The following SLC18A2 variants were observed in gnomAD, a reference collection of about 807,000 sequenced individuals.
The protein encoded by SLC18A2 is solute carrier family 18 member A2.
SLC18A2 carries 33 observed loss-of-function variants against 59.2 expected under a neutral mutation model. That is an observed-to-expected ratio of 0.56 (90% confidence interval 0.42 to 0.75). The LOEUF (loss-of-function observed/expected upper bound fraction) is 0.75, where lower values mean the gene tolerates loss of function less well. Ranked by LOEUF, SLC18A2 falls within the 30% of genes least tolerant of loss-of-function variation. The pLI is 0.00. For missense variants in SLC18A2, 569 were observed against 668.6 expected (o/e 0.85, Z 1.64); for synonymous variants, 228 against 253.5 (o/e 0.90, Z 0.95).
rs181160032 is a variant in SLC18A2, at chr10:117,259,268, A to G, written c.991+1376A>G. The stretch of plus-strand genomic sequence containing the variant: ...CTTTCATTTTCTTAATGTTTTATGT[A>G]GTGTTTATGAATATATCCACCAAAG... On this transcript the variant is annotated intron_variant, in intron 10 of 15. Transcript: ENST00000644641. Among the ~76,000 whole-genome samples, 4 of 152,280 alleles carry G rather than the reference A, an allele frequency of 2.6e-5. No homozygotes were observed. In the East Asian group the frequency reaches 5.8e-4, roughly 22 times the overall value.
intron 9 of SLC18A2, among the ~76,000 whole-genome samples, chr10:117,256,539 G>A (rs901710738): frequency 5.3e-5 from 8 of 152,344 alleles, no homozygotes; most frequent in Non-Finnish European, 7.3e-5. Context: ...TGGGAGAACT[G>A]GGCACCAGTA....
intron 10 of SLC18A2, among the ~76,000 whole-genome samples, chr10:117,261,591 A>G (rs1844295105): frequency 6.6e-6 from 1 of 152,200 alleles, no homozygotes; most frequent in South Asian, 2.1e-4. Flanking sequence ...ACAGGCATCC[A>G]GCCCTGGGGA....
chr10:117,266,013 C>T (rs1355426471), intron 10 of SLC18A2, among the ~76,000 whole-genome samples: 1 of 147,712 alleles, frequency 6.8e-6, no homozygotes, highest in Non-Finnish European at 1.5e-5. Flanking sequence ...TCACTTGAAC[C>T]TGGGAGGCAG....
chr10:117,249,103 G>A (rs1364658600), intron 3 of SLC18A2, among the ~76,000 whole-genome samples: 2 of 152,188 alleles, frequency 1.3e-5, no homozygotes, highest in Non-Finnish European at 2.9e-5. Flanking sequence ...GGTCTGAAGT[G>A]GGCTGTGTAG....
Position 117,255,597 on chromosome 10 carries a change from A to G in SLC18A2, c.835A>G (p.Ser279Gly). 6.2e-7 allele frequency: 1 copy of G among 1,613,876 alleles called. No individual in the cohort carries two copies. The highest frequency in any genetic ancestry group is 1.1e-5 in the South Asian group (1 of 91,068). ...VLQPSRVQPESQKGTPLTTLL... is the reference protein window; with the variant it reads ...VLQPSRVQPEGQKGTPLTTLL... ...CTGACCCGTGTTTTTTTCTTGACAG[A>G]GTCAGAAGGGGACACCCCTAACCAC... Residue 279 changes from serine to glycine, a missense_variant and splice_region_variant, in exon 9 of 16, where the codon AGT becomes GGT. Physicochemically the swap from Ser to Gly is moderately conservative, Grantham distance 56. Coordinates refer to ENST00000644641, the MANE Select transcript of SLC18A2 (RefSeq NM_003054.6).
intron 3 of SLC18A2, among the ~76,000 whole-genome samples, chr10:117,246,941 A>C (rs1844116089): frequency 1.3e-5 from 2 of 152,218 alleles, no homozygotes; most frequent in African/African-American, 4.8e-5. Context: ...GGCGTGAGCC[A>C]CCGCCCTCAG....
At chr10:117,264,445 C>T (rs1844326640) in intron 10 of SLC18A2, among the ~76,000 whole-genome samples, 1 of 152,200 alleles carries the variant, frequency 6.6e-6, no homozygotes, top group African/African-American at 2.4e-5. Context: ...CATTGCACTC[C>T]AGCCTGGGCA....
In SLC18A2 at chr10:117,277,492, G is replaced by T; in HGVS notation, c.*226G>T. 3.4e-6 allele frequency: 1 copy of T among 293,452 alleles called. No homozygotes were observed. The highest frequency in any genetic ancestry group is 6.2e-6 in the Non-Finnish European group (1 of 160,086). The allele number at this position is 293,452 out of a possible 1,614,324, so 18.2% of individuals were successfully genotyped here. A position where few individuals can be genotyped will look rare whatever the true frequency, so the allele number is the denominator to read the frequency against. On this transcript the variant is annotated 3_prime_UTR_variant, in exon 16 of 16. Coordinates refer to ENST00000644641, the MANE Select transcript of SLC18A2 (RefSeq NM_003054.6). ...AAATAGTGTTGAAACTTTATTTTAT[G>T]TATTTAATTTTATTAAATATCATAC...
Position 117,241,731 on chromosome 10 carries a change from AG to A in SLC18A2, c.40del (p.Glu14ArgfsTer83). The part of the protein sequence containing the change: ...LSELALVRWL[Q>X]ESRRSRKLIL... ...GAGCTGGCGCTGGTCCGCTGGCTGC[AG>A]GAGAGCCGCCGCTCGCGGAAGCTCA... On this transcript the variant is annotated frameshift_variant, in exon 2 of 16. Coordinates refer to ENST00000644641, the MANE Select transcript of SLC18A2 (RefSeq NM_003054.6). LOFTEE classifies it high-confidence loss of function. 1 of 1,607,692 alleles carries A rather than the reference AG, an allele frequency of 6.2e-7. No individual in the cohort carries two copies. Among genetic ancestry groups the A allele is most frequent in the Non-Finnish European group, 8.5e-7 (1 of 1,178,066 alleles).
At chr10:117,271,506 T>A (rs1844425695) in intron 15 of SLC18A2, among the ~76,000 whole-genome samples, 1 of 152,246 alleles carries the variant, frequency 6.6e-6, no homozygotes, top group African/African-American at 2.4e-5. Flanking sequence ...CCACATATTT[T>A]AAAATATATC....
chr10:117,254,522 A>G (rs1844203925), intron 6 of SLC18A2, 25 bp downstream of exon 6: 2 of 1,541,926 alleles, frequency 1.3e-6, no homozygotes, highest in Non-Finnish European at 1.8e-6. Flanking sequence ...CGTGTAGGCA[A>G]ACTGGCAAGA....
In SLC18A2 at chr10:117,278,150, A is replaced by C. The variant is rs1249264307; in HGVS notation, c.*884A>C. On this transcript the variant is annotated 3_prime_UTR_variant, in exon 16 of 16. Transcript: ENST00000644641. ...ACTTCAAGTTTTAGAAAAGGAAACA[A>C]GAAGCTGAAAACAGCTGCTCTGACT... 1 of 152,236 alleles carries C rather than the reference A, an allele frequency of 6.6e-6. No homozygotes were observed. Among genetic ancestry groups the C allele is most frequent in the African/African-American group, 2.4e-5 (1 of 41,470 alleles). The allele number at this position is 152,236 out of a possible 1,614,324, so 9.4% of individuals were successfully genotyped here.
intron 3 of SLC18A2, among the ~76,000 whole-genome samples, chr10:117,251,955 T>TTTTA (rs1349781353): frequency 1.3e-5 from 2 of 151,742 alleles, no homozygotes; most frequent in Non-Finnish European, 2.9e-5. Context: ...TATGATTATT[T>TTTTA]TTTATTTATT....
At chr10:117,276,789 C>T (rs772476303) in intron 15 of SLC18A2, among the ~76,000 whole-genome samples, 4 of 152,164 alleles carry the variant, frequency 2.6e-5, no homozygotes, top group East Asian at 1.9e-4. Context: ...GCTACAATGA[C>T]GTCTGTAAAC....
chr10:117,276,244 G>A (rs1042913741), intron 15 of SLC18A2, among the ~76,000 whole-genome samples: 3 of 152,028 alleles, frequency 2.0e-5, no homozygotes, highest in African/African-American at 4.8e-5. Flanking sequence ...AGCTGAGATC[G>A]CACCACTGCA....
intron 10 of SLC18A2, among the ~76,000 whole-genome samples, chr10:117,258,594 A>G (rs1844256462): frequency 6.6e-6 from 1 of 152,174 alleles, no homozygotes; most frequent in South Asian, 2.1e-4. Flanking sequence ...TCAAAGTTAC[A>G]CATGTACATA....
At chr10:117,268,995 CAA>C (rs1491123615) in intron 13 of SLC18A2, among the ~76,000 whole-genome samples, 10 of 7,494 alleles carry the variant, frequency 1.3e-3, no homozygotes, top group African/African-American at 2.4e-3. Context: ...TTCATACACA[CAA>C]ACACACATAC....
chr10:117,265,563 TA>T, intron 10 of SLC18A2, among the ~76,000 whole-genome samples: 1 of 152,260 alleles, frequency 6.6e-6, no homozygotes, highest in East Asian at 1.9e-4. Context: ...CAGTCACTCA[TA>T]AAGAGATTGT....
intron 10 of SLC18A2, among the ~76,000 whole-genome samples, chr10:117,263,679 A>T (rs2803813): frequency 3.9e-5 from 6 of 152,142 alleles, no homozygotes; most frequent in African/African-American, 1.4e-4. Context: ...TGGCCTCTCC[A>T]GACCCCTTGA....
Sources: allele counts gnomAD v4.1 joint callset (sites outside exome capture counted in the v4.1 genomes callset), GRCh38; gene constraint gnomAD v4.1.1; transcripts MANE v1.5; gene names NCBI Gene and HGNC (gene_info 2026-07-23, HGNC 2026-07-21).